Variants in SNX6 observed in about 807,000 individuals in gnomAD.
SNX6 encodes the protein sorting nexin-6.
In SNX6, 34 loss-of-function variants were observed where a neutral mutation model predicts 63.0. The observed-to-expected ratio is 0.54, with a 90% confidence interval of 0.41 to 0.72. SNX6 has a LOEUF of 0.72. SNX6 is among the 30% of genes least tolerant of loss of function. The probability of loss-of-function intolerance (pLI) is 0.00; values close to 1 mark genes in which losing one functional copy is unlikely to be tolerated. For synonymous variants in SNX6, 170 were observed against 164.2 expected (o/e 1.04, Z -0.27); for missense variants, 398 against 471.4 (o/e 0.84, Z 1.44).
Position 34,586,060 on chromosome 14 carries a change from G to A in SNX6, c.794+170C>T, listed in dbSNP as rs8021267. On this transcript the variant is annotated intron_variant, in intron 9 of 13. Transcript: ENST00000362031. Reference sequence around the variant, plus strand: ...TGGGATTACAGGTGTGTGTCACCCCGCCTGGCTAATTTTTGTATTTTTAGT... The same window carrying A: ...TGGGATTACAGGTGTGTGTCACCCCACCTGGCTAATTTTTGTATTTTTAGT... 1.3e-5 allele frequency among the ~76,000 whole-genome samples: 2 copies of A among 151,734 alleles called. No homozygotes were observed. The highest frequency in any genetic ancestry group is 3.9e-4 in the East Asian group (2 of 5,158).
chr14:34,578,139 G>C (rs1460094107), intron 10 of SNX6, among the ~76,000 whole-genome samples: 1 of 152,110 alleles, frequency 6.6e-6, no homozygotes, highest in Non-Finnish European at 1.5e-5. Context: ...AGGAGGCAAA[G>C]GTTGCAGTGA....
chr14:34,594,308 CTT>C (rs34181149), intron 7 of SNX6, among the ~76,000 whole-genome samples: 54,285 of 145,964 alleles, frequency 0.37, 10,163 homozygotes, highest in African/African-American at 0.41. Flanking sequence ...TGTCTTCAAC[CTT>C]TTTTTTTTTT....
Position 34,562,504 on chromosome 14 carries a change from T to G in SNX6, c.*618A>C, listed in dbSNP as rs1414245177. ...AACTATCACTGTTATCGCTGTTTAT[T>G]TTACAATACTTGGTTTAGTCTACAA... On this transcript the variant is annotated 3_prime_UTR_variant, in exon 14 of 14. Coordinates refer to ENST00000362031, the MANE Select transcript of SNX6 (RefSeq NM_152233.4). 1 of 152,668 alleles carries G rather than the reference T, an allele frequency of 6.6e-6. No homozygotes were observed. Among genetic ancestry groups the G allele is most frequent in the African/African-American group, 2.4e-5 (1 of 41,460 alleles). The allele number at this position is 152,668 out of a possible 1,614,324, so 9.5% of individuals were successfully genotyped here.
chr14:34,568,920 G>A (rs1173851735), intron 11 of SNX6: 3 of 1,290,976 alleles, frequency 2.3e-6, no homozygotes, highest in African/African-American at 1.5e-5. Context: ...CAACCCCAGC[G>A]CCACCCCAGA....
intron 2 of SNX6, 131 bp from the exon 3 acceptor site, chr14:34,609,873 T>G (rs1328488074): frequency 1.6e-6 from 1 of 609,340 alleles, no homozygotes; most frequent in East Asian, 2.8e-5. Context: ...TCATGTCCAT[T>G]TAACATACAT....
At chr14:34,603,273 G>A (rs1882894517) in intron 6 of SNX6, 75 bp downstream of exon 6, 21 of 1,413,998 alleles carry the variant, frequency 1.5e-5, no homozygotes, top group Middle Eastern at 2.5e-4. Context: ...AAGACAGAGC[G>A]AGATTCCGTC....
At position 34,621,951 on chromosome 14, in the gene SNX6, C is replaced by CTTTTTTT. The variant is rs1037764907; in HGVS notation, c.54+7949_54+7955dup. Among the ~76,000 whole-genome samples, 80 of 77,404 alleles carry CTTTTTTT rather than the reference C, an allele frequency of 1.0e-3. 3 individuals carry two copies. The highest frequency in any genetic ancestry group is 1.8e-3 in the African/African-American group (31 of 17,378). The allele number at this position is 77,404 out of a possible 152,430, so 50.8% of individuals were successfully genotyped here. The stretch of plus-strand genomic sequence containing the variant: ...GTTTTTTCACCTGGGCATGTCTTTC[C>CTTTTTTT]TTTTTTTTTTTTTTTTTTTTTTTTG... On this transcript the variant is annotated intron_variant, in intron 2 of 13. Transcript: ENST00000362031.
chr14:34,617,647 C>T (rs1321322068), intron 2 of SNX6, among the ~76,000 whole-genome samples: 1 of 148,110 alleles, frequency 6.8e-6, no homozygotes, highest in East Asian at 2.0e-4. Flanking sequence ...TTGGACCAGG[C>T]GCGGTGGCTC....
At chr14:34,611,535 G>C in intron 2 of SNX6, among the ~76,000 whole-genome samples, 1 of 150,990 alleles carries the variant, frequency 6.6e-6, no homozygotes, top group Non-Finnish European at 1.5e-5. Flanking sequence ...TATAATCCCA[G>C]CACTTTGGCA....
At chr14:34,570,172 A>C (rs1881380263) in intron 11 of SNX6, among the ~76,000 whole-genome samples, 2 of 151,340 alleles carry the variant, frequency 1.3e-5, no homozygotes, top group South Asian at 4.2e-4. Flanking sequence ...GGGTTCAAGC[A>C]ATTCTCCTGC....
chr14:34,597,710 T>C (rs1566480534), intron 6 of SNX6, 65 bp from the exon 7 acceptor site: 2 of 857,738 alleles, frequency 2.3e-6, no homozygotes, highest in East Asian at 4.9e-5. Context: ...CTTTATTCTT[T>C]GATATTTAAA....
chr14:34,563,148 G>C lies in SNX6; in HGVS notation c.1195C>G (p.Leu399Val). 1.2e-6 allele frequency: 2 copies of C among 1,614,042 alleles called. No homozygotes were observed. Among genetic ancestry groups the C allele is most frequent in the African/African-American group, 1.3e-5 (1 of 75,044 alleles). Residue 399 changes from leucine (L) to valine (V), a missense_variant, in exon 14 of 14, where the codon CTG becomes GTG. By Grantham distance (32) the Leu-to-Val change is conservative (BLOSUM62 1). Coordinates refer to ENST00000362031, the MANE Select transcript of SNX6 (RefSeq NM_152233.4). Reference sequence around the variant, plus strand: ...TATGTGTCTCCATTTAACACTGCCAGGCAGTTCTGCAGCAACTGTAGATTA... The same window carrying C: ...TATGTGTCTCCATTTAACACTGCCACGCAGTTCTGCAGCAACTGTAGATTA... ...KGNLQLLQNC[L>V]AVLNGDT
intron 3 of SNX6, among the ~76,000 whole-genome samples, chr14:34,609,179 T>G (rs1268668372): frequency 1.3e-5 from 2 of 151,002 alleles, no homozygotes; most frequent in African/African-American, 4.9e-5. Context: ...ATTCTCAGAA[T>G]ATTAATCTAA....
rs1030355724 is a variant in SNX6 at position 34,602,698 on chromosome 14, C to T, written c.516+650G>A. ...ACTCTTTAAAAAGAGAACTTGGGGC[C>T]GGGCACGGTGGCTTATGCCTGTAAT... On this transcript the variant is annotated intron_variant, in intron 6 of 13. Transcript: ENST00000362031. 9.9e-5 allele frequency among the ~76,000 whole-genome samples: 15 copies of T among 151,950 alleles called. 1 individual carries two copies. The South Asian group carries it at 2.9e-3, about 29-fold the overall frequency.
At chr14:34,601,065 T>C (rs1356223808) in intron 6 of SNX6, among the ~76,000 whole-genome samples, 1 of 151,558 alleles carries the variant, frequency 6.6e-6, no homozygotes, top group Non-Finnish European at 1.5e-5. Flanking sequence ...TAAGGAGTGA[T>C]CAGCACCAAT....
At chr14:34,585,051 C>T (rs1396689144) in intron 9 of SNX6, among the ~76,000 whole-genome samples, 3 of 152,034 alleles carry the variant, frequency 2.0e-5, no homozygotes, top group African/African-American at 7.2e-5. Context: ...AGGGTTTCTC[C>T]ATGTTGGTCA....
At position 34,592,425 on chromosome 14, in the gene SNX6, T is replaced by C. The variant is rs1018829953; in HGVS notation, c.718+620A>G. Among the ~76,000 whole-genome samples the C allele has an allele frequency of 2.6e-5, 4 of 152,066 alleles. No individual in the cohort carries two copies. In the East Asian group the frequency reaches 7.7e-4, roughly 29 times the overall value. ...AGCAAGTGCATGGCCGGAAAGAATA[T>C]AGAGACTACTCGTCCAGTTTGTTGC... On this transcript the variant is annotated intron_variant, in intron 8 of 13. Coordinates refer to ENST00000362031, the MANE Select transcript of SNX6 (RefSeq NM_152233.4).
intron 9 of SNX6, among the ~76,000 whole-genome samples, chr14:34,582,537 T>C (rs528462632): frequency 1.2e-4 from 18 of 151,886 alleles, no homozygotes; most frequent in Admixed American, 2.6e-4. Flanking sequence ...AAGCCATACA[T>C]TAAACGTGTT....
intron 11 of SNX6, chr14:34,568,910 C>G: frequency 7.9e-7 from 1 of 1,266,868 alleles, no homozygotes; most frequent in Non-Finnish European, 1.2e-6. Context: ...GTCATGGAGC[C>G]AACCCCAGCG....
Sources: allele counts gnomAD v4.1 joint callset (sites outside exome capture counted in the v4.1 genomes callset), GRCh38; gene constraint gnomAD v4.1.1; transcripts MANE v1.5; gene names NCBI Gene and HGNC (gene_info 2026-07-23, HGNC 2026-07-21).